The following PDZD2 variants were observed in gnomAD, a reference collection of about 807,000 sequenced individuals.
PDZD2 encodes the protein PDZ domain containing 2.
A neutral mutation model predicts 220.7 loss-of-function variants in PDZD2; 90 were observed. The ratio of observed to expected loss-of-function variants is 0.41; its 90% CI spans 0.34 to 0.49. The LOEUF (loss-of-function observed/expected upper bound fraction) is 0.49, where lower values mean the gene tolerates loss of function less well. PDZD2 is among the 20% of genes least tolerant of loss of function. The pLI, the probability that PDZD2 is intolerant of heterozygous loss-of-function variation, is 0.28. For missense variants in PDZD2, 3,174 were observed against 3,608.5 expected (o/e 0.88, Z 3.08); for synonymous variants, 1,375 against 1,450.5 (o/e 0.95, Z 1.18).
chr5:31,886,392 C>T (rs2150342487), intron 2 of PDZD2, among the ~76,000 whole-genome samples: 1 of 152,270 alleles, frequency 6.6e-6, no homozygotes, highest in African/African-American at 2.4e-5. Context: ...TTCCCTGCCA[C>T]TCCTTCTTCC....
chr5:31,808,368 T>C (rs1754862101), intron 2 of PDZD2, among the ~76,000 whole-genome samples: 1 of 152,120 alleles, frequency 6.6e-6, no homozygotes, highest in Non-Finnish European at 1.5e-5. Flanking sequence ...TAAAATTCAA[T>C]TATGTGGAAA....
At position 31,646,088 on chromosome 5, in the gene PDZD2, G is replaced by A. The variant is rs544232045; in HGVS notation, c.-361+6651G>A. Among the ~76,000 whole-genome samples the A allele has an allele frequency of 2.0e-5, 3 of 152,182 alleles. No individual in the cohort carries two copies. The highest frequency in any genetic ancestry group is 2.1e-4 in the South Asian group (1 of 4,824). The stretch of plus-strand genomic sequence containing the variant: ...ACTGTCACTCCTAGGGAGATCTCAG[G>A]ATACCTAGGCGGAAGAAAATAAACA... On this transcript the variant is annotated intron_variant, in intron 1 of 24. Coordinates refer to ENST00000438447, the MANE Select transcript of PDZD2 (RefSeq NM_178140.4). The surrounding 1 kb of genome is among the most constrained non-coding windows in gnomAD (Gnocchi z 4.7).
At position 31,743,077 on chromosome 5, in the gene PDZD2, C is replaced by T. The variant is rs575425679; in HGVS notation, c.-360-55812C>T. ...ATGAATAGCATTAGTACTCTTTTCC[C>T]CTGCTGAATTCTGCCATACATACAT... On this transcript the variant is annotated intron_variant, in intron 1 of 24. Transcript: ENST00000438447. Among the ~76,000 whole-genome samples the T allele has an allele frequency of 3.9e-5, 6 of 152,274 alleles. No homozygotes were observed. In the South Asian group the frequency reaches 1.2e-3, roughly 32 times the overall value.
At position 32,108,147 on chromosome 5, in the gene PDZD2, A is replaced by G. The variant is rs770023892; in HGVS notation, c.*12A>G. ...GGAATTCTTCATGAATTTTAACAAGAATCATTTTCTCAGTTCTCTTCTTTC... is the reference window on the plus strand; with the variant it reads ...GGAATTCTTCATGAATTTTAACAAGGATCATTTTCTCAGTTCTCTTCTTTC... On this transcript the variant is annotated 3_prime_UTR_variant, in exon 25 of 25. Coordinates refer to ENST00000438447, the MANE Select transcript of PDZD2 (RefSeq NM_178140.4). 8.3e-6 allele frequency: 13 copies of G among 1,564,976 alleles called. No homozygotes were observed. The highest frequency in any genetic ancestry group is 3.5e-5 in the Admixed American group (2 of 56,450).
rs568758841 is a variant in PDZD2, at chr5:31,713,389, A to G, written c.-361+73952A>G. 4.6e-5 allele frequency among the ~76,000 whole-genome samples: 7 copies of G among 152,304 alleles called. No homozygotes were observed. In the East Asian group the frequency reaches 1.3e-3, roughly 29 times the overall value. Reference sequence around the variant, plus strand: ...CCATGAGATACTACTGTGCATTGTTAATTATCTTTTCATCTGCATACTAAT... The same window carrying G: ...CCATGAGATACTACTGTGCATTGTTGATTATCTTTTCATCTGCATACTAAT... On this transcript the variant is annotated intron_variant, in intron 1 of 24. Transcript: ENST00000438447.
intron 5 of PDZD2, among the ~76,000 whole-genome samples, chr5:32,002,932 A>C (rs1204916049): frequency 3.1e-5 from 3 of 97,988 alleles, no homozygotes; most frequent in Non-Finnish European, 6.1e-5. Context: ...CACACACCTC[A>C]CACACCACGA....
chr5:32,071,766 G>T (rs1391712662), intron 16 of PDZD2, among the ~76,000 whole-genome samples: 1 of 152,194 alleles, frequency 6.6e-6, no homozygotes, highest in Non-Finnish European at 1.5e-5. Flanking sequence ...CTGAGTCTCA[G>T]TGCGTCAGGG....
intron 1 of PDZD2, among the ~76,000 whole-genome samples, chr5:31,752,465 C>T (rs1751056631): frequency 1.3e-5 from 2 of 152,128 alleles, no homozygotes; most frequent in Admixed American, 1.3e-4. Context: ...AGGAGAATCT[C>T]TTGAACCTGG....
intron 3 of PDZD2, among the ~76,000 whole-genome samples, chr5:31,988,545 T>G (rs1473928378): frequency 6.6e-6 from 1 of 152,076 alleles, no homozygotes; most frequent in Non-Finnish European, 1.5e-5. Context: ...CTCTAGGGAT[T>G]TGTATGAAGG....
intron 2 of PDZD2, among the ~76,000 whole-genome samples, chr5:31,849,302 C>A (rs534713611): frequency 1.2e-4 from 18 of 152,142 alleles, no homozygotes; most frequent in African/African-American, 4.1e-4. Flanking sequence ...ATTTATTAGC[C>A]GTGTTACTTA....
At chr5:31,685,230 A>G (rs892476326) in intron 1 of PDZD2, among the ~76,000 whole-genome samples, 9 of 152,300 alleles carry the variant, frequency 5.9e-5, no homozygotes, top group African/African-American at 2.2e-4. Flanking sequence ...GCTTTCTAAA[A>G]ATACTCCTTG....
chr5:31,817,302 T>C (rs1488472050), intron 2 of PDZD2, among the ~76,000 whole-genome samples: 1 of 151,816 alleles, frequency 6.6e-6, no homozygotes, highest in South Asian at 2.1e-4. Flanking sequence ...AAGAACAGCC[T>C]GGCCAACGTG....
chr5:32,101,362 C>T (rs532890474), intron 24 of PDZD2, 123 bp downstream of exon 24: 1 of 905,952 alleles, frequency 1.1e-6, no homozygotes, highest in African/African-American at 1.7e-5. Flanking sequence ...TGCTTTGTGA[C>T]ATACAAGGTT....
At chr5:31,832,525 T>A (rs112192798) in intron 2 of PDZD2, 29,025 of 152,016 alleles carry the variant, frequency 0.19, 2,880 homozygotes, top group Middle Eastern at 0.26. Context: ...TTAAAAATAA[T>A]AAAAATGGGT....
At chr5:32,063,795 T>A (rs1739919851) in intron 14 of PDZD2, among the ~76,000 whole-genome samples, 4 of 152,224 alleles carry the variant, frequency 2.6e-5, no homozygotes, top group South Asian at 2.1e-4. Context: ...GGGAATAGAT[T>A]TGCAATTGTG....
At chr5:31,836,324 A>C (rs992472786) in intron 2 of PDZD2, among the ~76,000 whole-genome samples, 6 of 143,654 alleles carry the variant, frequency 4.2e-5, no homozygotes, top group African/African-American at 1.6e-4. Flanking sequence ...CTCCACCTCC[A>C]GGGTTCAGGC....
intron 1 of PDZD2, among the ~76,000 whole-genome samples, chr5:31,700,612 T>C (rs1309359265): frequency 6.6e-6 from 1 of 152,222 alleles, no homozygotes; most frequent in African/African-American, 2.4e-5. Flanking sequence ...GAAAGTCTTA[T>C]AGCCTTTCCC....
At position 32,090,606 on chromosome 5, in the gene PDZD2, T is replaced by C. The variant is rs1373114245; in HGVS notation, c.7158T>C (p.Gly2386=). ...TTTCCGGGAGCCTGGGCCACCCAGGTGACGCAGCAGCAAGGTTGTTGAGAC... is the reference window on the plus strand; with the variant it reads ...TTTCCGGGAGCCTGGGCCACCCAGGCGACGCAGCAGCAAGGTTGTTGAGAC... ...SIVSGSLGHP[G]DAAARLLRRS... is the part of the protein sequence containing the mutation. Residue 2386 remains glycine, a synonymous_variant, in exon 20 of 25, where the codon GGT becomes GGC. Coordinates refer to ENST00000438447, the MANE Select transcript of PDZD2 (RefSeq NM_178140.4). The surrounding 1 kb of genome is among the most constrained non-coding windows in gnomAD (Gnocchi z 4.3). 6.2e-7 allele frequency: 1 copy of C among 1,613,862 alleles called. No homozygotes were observed. Among genetic ancestry groups the C allele is most frequent in the South Asian group, 1.1e-5 (1 of 91,042 alleles).
At chr5:31,800,543 G>A (rs1754332023) in intron 2 of PDZD2, among the ~76,000 whole-genome samples, 1 of 152,116 alleles carries the variant, frequency 6.6e-6, no homozygotes, top group Non-Finnish European at 1.5e-5. Flanking sequence ...CACATTCTTA[G>A]CATAAACTCT....
Sources: allele counts gnomAD v4.1 joint callset (sites outside exome capture counted in the v4.1 genomes callset), GRCh38; gene constraint gnomAD v4.1.1; non-coding constraint Gnocchi (gnomAD v3.1); transcripts MANE v1.5; gene names NCBI Gene and HGNC (gene_info 2026-07-23, HGNC 2026-07-21).